Variants in LARP1 observed in about 807,000 individuals in gnomAD.
The protein encoded by LARP1 is la-related protein 1.
Under a neutral mutation model 122.7 loss-of-function variants are expected in LARP1, and 36 were observed. The ratio of observed to expected loss-of-function variants is 0.29; its 90% CI spans 0.22 to 0.39. The LOEUF is 0.39. Among genes scored for constraint, LARP1 ranks in the 10% least tolerant of loss-of-function variants. The pLI is 1.00. For missense variants in LARP1, 1,040 were observed against 1,403.6 expected (o/e 0.74, Z 4.14); for synonymous variants, 539 against 528.7 (o/e 1.02, Z -0.27).
intron 1 of LARP1, among the ~76,000 whole-genome samples, chr5:154,685,358 A>G (rs984309549): frequency 6.6e-6 from 1 of 151,900 alleles, no homozygotes; most frequent in African/African-American, 2.4e-5. Flanking sequence ...CTTCCACCAC[A>G]ACGGCCACCT....
rs1287607868 is a variant in LARP1 at position 154,808,442 on chromosome 5, C to T, written c.2699-17C>T. 1 of 1,609,060 alleles carries T rather than the reference C, an allele frequency of 6.2e-7. No homozygotes were observed. The highest frequency in any genetic ancestry group is 1.3e-5 in the African/African-American group (1 of 74,836). ...CCTGAACCTGAGACATGCCTTTCCT[C>T]CTTTCTTTCCCATCAGAGCGGAAAC... On this transcript the variant is annotated splice_polypyrimidine_tract_variant and intron_variant, in intron 15 of 18. Transcript: ENST00000518297.
chr5:154,724,640 A>G (rs1043560342), intron 1 of LARP1, among the ~76,000 whole-genome samples: 4 of 151,736 alleles, frequency 2.6e-5, no homozygotes, highest in Admixed American at 6.6e-5. Flanking sequence ...TATGGACTAG[A>G]AGACTGCTCC....
At chr5:154,742,531 T>C (rs1218484316) in intron 1 of LARP1, among the ~76,000 whole-genome samples, 1 of 151,858 alleles carries the variant, frequency 6.6e-6, no homozygotes, top group African/African-American at 2.4e-5. Context: ...TGCACTGTTG[T>C]TGGAACAGAG....
At chr5:154,785,380 C>T (rs1756802111) in intron 1 of LARP1, among the ~76,000 whole-genome samples, 1 of 152,226 alleles carries the variant, frequency 6.6e-6, no homozygotes, top group Non-Finnish European at 1.5e-5. Context: ...GTGTATCTCC[C>T]CCCATCCCCA....
rs1758465926 is a variant in LARP1, at chr5:154,803,003, CA to C, written c.2110-286del. ...AGAGATGGGGAAACACTGGAGCTTT[CA>C]GGGGGGAGTGTGTAGTGAGTTCCTG... On this transcript the variant is annotated intron_variant, in intron 11 of 18. Coordinates refer to ENST00000518297, the MANE Select transcript of LARP1 (RefSeq NM_033551.3). This position sits in a 1 kb window ranked among gnomAD's most constrained non-coding sequence, Gnocchi z 4.4. 6.6e-6 allele frequency among the ~76,000 whole-genome samples: 1 copy of C among 152,256 alleles called. No individual in the cohort carries two copies. Among genetic ancestry groups the C allele is most frequent in the South Asian group, 2.1e-4 (1 of 4,818 alleles).
chr5:154,731,419 C>T (rs931927375), intron 1 of LARP1, among the ~76,000 whole-genome samples: 7 of 152,160 alleles, frequency 4.6e-5, no homozygotes, highest in Admixed American at 1.3e-4. Flanking sequence ...TTAGCATAAC[C>T]GTATTGCTGT....
In LARP1 at chr5:154,790,743, A is replaced by C. The variant is rs748321948; in HGVS notation, c.564+33A>C. On this transcript the variant is annotated intron_variant, in intron 3 of 18. Coordinates refer to ENST00000518297, the MANE Select transcript of LARP1 (RefSeq NM_033551.3). ...TGTGTGGAAGAATAGGCAGGTTTGA[A>C]GTCTCTTGACATACACACATTTAGC... 8 of 1,596,966 alleles carry C rather than the reference A, an allele frequency of 5.0e-6. No individual in the cohort carries two copies. In the South Asian group the frequency reaches 8.8e-5, roughly 18 times the overall value.
chr5:154,700,583 G>T (rs184250019), intron 1 of LARP1, among the ~76,000 whole-genome samples: 2 of 152,172 alleles, frequency 1.3e-5, no homozygotes, highest in Admixed American at 6.5e-5. Context: ...TTACTGAGAT[G>T]ATGTTGTTGT....
At chr5:154,805,431 G>T (rs1758693912) in intron 14 of LARP1, among the ~76,000 whole-genome samples, 1 of 152,136 alleles carries the variant, frequency 6.6e-6, no homozygotes, top group Admixed American at 6.5e-5. Flanking sequence ...GGTTGGTCTT[G>T]CTGTCTCAAG....
Position 154,816,060 on chromosome 5 carries a change from T to C in LARP1, c.*1964T>C, listed in dbSNP as rs1289752111. On this transcript the variant is annotated 3_prime_UTR_variant, in exon 19 of 19. Transcript: ENST00000518297. The stretch of plus-strand genomic sequence containing the variant: ...TTGCCCTTTACCTTGGGCACCTTGT[T>C]AATTTTTAGCCTGTGCCCTTCCCCA... The C allele has an allele frequency of 6.6e-6, 1 of 152,594 alleles. No individual in the cohort carries two copies. The highest frequency in any genetic ancestry group is 2.4e-5 in the African/African-American group (1 of 41,454). The allele number at this position is 152,594 out of a possible 1,614,324, so 9.5% of individuals were successfully genotyped here.
chr5:154,764,046 C>T (rs574915406), intron 1 of LARP1, among the ~76,000 whole-genome samples: 6 of 150,640 alleles, frequency 4.0e-5, no homozygotes, highest in East Asian at 4.0e-4. Context: ...CGGTGGTTCA[C>T]GCCTGTAATC....
At chr5:154,812,249 C>A (rs1292791000) in intron 18 of LARP1, among the ~76,000 whole-genome samples, 2 of 152,110 alleles carry the variant, frequency 1.3e-5, no homozygotes, top group Non-Finnish European at 2.9e-5. Context: ...CCCTTCAAAC[C>A]TTTTAGCAAA....
At chr5:154,759,214 A>T (rs1314851335) in intron 1 of LARP1, among the ~76,000 whole-genome samples, 1 of 151,918 alleles carries the variant, frequency 6.6e-6, no homozygotes, top group Non-Finnish European at 1.5e-5. Context: ...ATTCATTGTT[A>T]TGATAAGTGT....
chr5:154,685,935 G>A (rs11958012), intron 1 of LARP1: 182,485 of 477,974 alleles, frequency 0.38, 39,459 homozygotes, highest in Non-Finnish European at 0.48. Flanking sequence ...CTCGTGATTC[G>A]GTTAATCCTC....
At chr5:154,809,577 G>T (rs1437369458) in intron 16 of LARP1, among the ~76,000 whole-genome samples, 1 of 151,674 alleles carries the variant, frequency 6.6e-6, no homozygotes, top group Non-Finnish European at 1.5e-5. Context: ...TTACATACTT[G>T]TTTACAAAAA....
chr5:154,808,685 G>C, intron 16 of LARP1, 82 bp downstream of exon 16: 1 of 1,434,118 alleles, frequency 7.0e-7, no homozygotes, highest in Non-Finnish European at 9.4e-7. Context: ...CAGAACTGTA[G>C]TTGGAAATTC....
chr5:154,807,793 G>A (rs1758905591), intron 15 of LARP1, among the ~76,000 whole-genome samples: 1 of 152,130 alleles, frequency 6.6e-6, no homozygotes, highest in South Asian at 2.1e-4. Flanking sequence ...GCCTTAAGCA[G>A]TCCTCCCTCC....
At chr5:154,706,200 A>T (rs1754936939) in intron 1 of LARP1, among the ~76,000 whole-genome samples, 1 of 152,000 alleles carries the variant, frequency 6.6e-6, no homozygotes, top group African/African-American at 2.4e-5. Flanking sequence ...AGGCTGAGGC[A>T]GGAGAATCAC....
At chr5:154,715,158 C>T (rs149743975) in intron 1 of LARP1, among the ~76,000 whole-genome samples, 4,013 of 150,572 alleles carry the variant, frequency 0.027, 171 homozygotes, top group African/African-American at 0.093. Flanking sequence ...CCAGCCTGGG[C>T]GACAGAGCGA....
Sources: gnomAD v4.1 joint callset for allele counts (sites outside exome capture counted in the v4.1 genomes callset) on GRCh38, gnomAD v4.1.1 for gene constraint, Gnocchi (gnomAD v3.1) non-coding constraint, MANE v1.5 for transcripts, NCBI Gene and HGNC (gene_info 2026-07-23, HGNC 2026-07-21) for gene names.